PTPN11: variants seen among roughly 807,000 people sequenced by gnomAD.
The protein encoded by PTPN11 is protein tyrosine phosphatase non-receptor type 11.
In PTPN11, 6 loss-of-function variants were observed where a neutral mutation model predicts 78.8. That is an observed-to-expected ratio of 0.08 (90% confidence interval 0.04 to 0.15). The LOEUF is 0.15. Ranked by LOEUF, PTPN11 falls within the 10% of genes least tolerant of loss-of-function variation. PTPN11 has a pLI of 1.00. For missense variants in PTPN11, 386 were observed against 744.8 expected (o/e 0.52, Z 5.61); for synonymous variants, 221 against 263.5 (o/e 0.84, Z 1.56).
intron 13 of PTPN11, among the ~76,000 whole-genome samples, chr12:112,498,280 C>T (rs1223164655): frequency 1.3e-5 from 2 of 152,068 alleles, no homozygotes; most frequent in African/African-American, 2.4e-5. Context: ...CGTGAGAACC[C>T]GTCATGGTTT....
chr12:112,423,287 T>G (rs1370738039), intron 1 of PTPN11, among the ~76,000 whole-genome samples: 1 of 152,130 alleles, frequency 6.6e-6, no homozygotes, highest in African/African-American at 2.4e-5. Flanking sequence ...AAATGAAATT[T>G]GAAATTTTTT....
At chr12:112,449,280 C>T (rs750641019) in intron 2 of PTPN11, among the ~76,000 whole-genome samples, 46 of 150,222 alleles carry the variant, frequency 3.1e-4, no homozygotes, top group South Asian at 6.4e-4. Flanking sequence ...AGGCAGGCGG[C>T]GGATCATGAG....
intron 1 of PTPN11, among the ~76,000 whole-genome samples, chr12:112,439,466 G>C (rs537203894): frequency 2.0e-5 from 3 of 150,734 alleles, no homozygotes; most frequent in Non-Finnish European, 4.4e-5. Flanking sequence ...GCTAATTTTT[G>C]TATTATTATT....
intron 2 of PTPN11, among the ~76,000 whole-genome samples, chr12:112,447,922 C>G (rs1307984958): frequency 6.6e-6 from 1 of 151,780 alleles, no homozygotes; most frequent in Non-Finnish European, 1.5e-5. Context: ...CTGCCTCAGC[C>G]TCCTGAGTAG....
chr12:112,506,975 G>T lies in PTPN11; in HGVS notation c.*1183G>T. On this transcript the variant is annotated 3_prime_UTR_variant, in exon 16 of 16. Coordinates refer to ENST00000351677, the MANE Select transcript of PTPN11 (RefSeq NM_002834.5). The stretch of plus-strand genomic sequence containing the variant: ...TGATGATGATGATGATGATGATGAT[G>T]ATGATGATGATGATGATGGTTTTTT... The T allele has an allele frequency of 3.9e-6, 1 of 259,104 alleles. No individual in the cohort carries two copies. The highest frequency in any genetic ancestry group is 5.4e-5 in the South Asian group (1 of 18,650). The allele number at this position is 259,104 out of a possible 1,614,324, so 16.1% of individuals were successfully genotyped here. A position where few individuals can be genotyped will look rare whatever the true frequency, so the allele number is the denominator to read the frequency against.
intron 1 of PTPN11, among the ~76,000 whole-genome samples, chr12:112,442,252 A>T (rs2037905567): frequency 6.6e-6 from 1 of 152,166 alleles, no homozygotes; most frequent in Non-Finnish European, 1.5e-5. Flanking sequence ...CAGATTTACA[A>T]GTCAACCTTA....
chr12:112,498,972 A>G (rs2038842895), intron 13 of PTPN11, among the ~76,000 whole-genome samples: 1 of 152,234 alleles, frequency 6.6e-6, no homozygotes, highest in Non-Finnish European at 1.5e-5. Flanking sequence ...TCCACACTAG[A>G]AAATTCTGTT....
chr12:112,492,210 T>G (rs936842088), intron 13 of PTPN11, among the ~76,000 whole-genome samples: 1 of 152,314 alleles, frequency 6.6e-6, no homozygotes, highest in Admixed American at 6.5e-5. Context: ...TGTAGTCTTC[T>G]TAGTACATCA....
At chr12:112,425,853 T>C (rs2037608477) in intron 1 of PTPN11, among the ~76,000 whole-genome samples, 1 of 152,142 alleles carries the variant, frequency 6.6e-6, no homozygotes. Context: ...CTCAGCCTCC[T>C]GAGTAGCTGG....
At position 112,433,538 on chromosome 12, in the gene PTPN11, A is replaced by G. The variant is rs144192256; in HGVS notation, c.15-12738A>G. ...AAGTATGTAAAAATGATTGTAAAGG[A>G]TATGTTCTGCTGCATTATTTGTAAT... On this transcript the variant is annotated intron_variant, in intron 1 of 15. Transcript: ENST00000351677. 4.3e-3 allele frequency among the ~76,000 whole-genome samples: 648 copies of G among 152,356 alleles called. 9 individuals carry two copies. The highest frequency in any genetic ancestry group is 0.014 in the African/African-American group (600 of 41,580).
At chr12:112,440,563 CTT>C (rs772805515) in intron 1 of PTPN11, among the ~76,000 whole-genome samples, 1 of 90,710 alleles carries the variant, frequency 1.1e-5, no homozygotes, top group Admixed American at 1.4e-4. Context: ...TGTGCCTGGC[CTT>C]TTTTTTTTTT....
chr12:112,505,403 A>C (rs1392751043), intron 15 of PTPN11, among the ~76,000 whole-genome samples: 2 of 152,180 alleles, frequency 1.3e-5, no homozygotes, highest in African/African-American at 2.4e-5. Flanking sequence ...ATGGTGGCTC[A>C]TACCTGTAAT....
At chr12:112,479,254 GT>G (rs986119763) in intron 9 of PTPN11, among the ~76,000 whole-genome samples, 9 of 149,752 alleles carry the variant, frequency 6.0e-5, no homozygotes, top group African/African-American at 1.2e-4. Flanking sequence ...CACCATGGTG[GT>G]TTTTTTTTTA....
intron 1 of PTPN11, among the ~76,000 whole-genome samples, chr12:112,424,210 A>G (rs1437041961): frequency 6.6e-6 from 1 of 152,216 alleles, no homozygotes; most frequent in Non-Finnish European, 1.5e-5. Flanking sequence ...TTTAGGAAAC[A>G]GCACATGCAA....
rs751729224 is a variant in PTPN11 at position 112,507,668 on chromosome 12, A to G, written c.*1876A>G. The G allele has an allele frequency of 6.5e-6, 1 of 152,738 alleles. No homozygotes were observed. Among genetic ancestry groups the G allele is most frequent in the Non-Finnish European group, 1.5e-5 (1 of 68,064 alleles). The allele number at this position is 152,738 out of a possible 1,614,324, so 9.5% of individuals were successfully genotyped here. On this transcript the variant is annotated 3_prime_UTR_variant, in exon 16 of 16. Transcript: ENST00000351677. The stretch of plus-strand genomic sequence containing the variant: ...TAATGCTATGGCATCTTTGCCATGA[A>G]GTTGTGGCCTCCTTGGATTCTTCTG...
chr12:112,448,717 C>A (rs2038030510), intron 2 of PTPN11, among the ~76,000 whole-genome samples: 1 of 152,006 alleles, frequency 6.6e-6, no homozygotes, highest in Non-Finnish European at 1.5e-5. Context: ...TATATACTGT[C>A]ACCAGCAGGT....
chr12:112,441,913 A>T (rs534566069), intron 1 of PTPN11, among the ~76,000 whole-genome samples: 13 of 152,006 alleles, frequency 8.6e-5, no homozygotes, highest in Middle Eastern at 3.4e-3. Flanking sequence ...AGTAGCTGGG[A>T]TTACAGGCAC....
At chr12:112,457,922 C>T (rs1465731125) in intron 6 of PTPN11, among the ~76,000 whole-genome samples, 1 of 152,192 alleles carries the variant, frequency 6.6e-6, no homozygotes, top group Non-Finnish European at 1.5e-5. Context: ...ACAGAAGAAA[C>T]TCCATAAATG....
intron 5 of PTPN11, among the ~76,000 whole-genome samples, chr12:112,455,660 A>G (rs993004366): frequency 1.3e-5 from 2 of 152,312 alleles, no homozygotes; most frequent in East Asian, 3.9e-4. Flanking sequence ...ATAGTGGAAA[A>G]TGATATAATC....
Sources: gnomAD v4.1 joint callset for allele counts (sites outside exome capture counted in the v4.1 genomes callset) on GRCh38, gnomAD v4.1.1 for gene constraint, MANE v1.5 for transcripts, NCBI Gene and HGNC (gene_info 2026-07-23, HGNC 2026-07-21) for gene names.